The following DIPK1C variants were observed in gnomAD, a reference collection of about 807,000 sequenced individuals.
The protein encoded by DIPK1C is familial non-conventional Alzheimer's dementia.
In DIPK1C, 33 loss-of-function variants were observed where a neutral mutation model predicts 28.0. The ratio of observed to expected loss-of-function variants is 1.18; its 90% CI spans 0.89 to 1.58. The LOEUF (loss-of-function observed/expected upper bound fraction) is 1.58. Among genes scored for constraint, DIPK1C ranks in the 40% most tolerant of loss-of-function variants. DIPK1C has a pLI of 0.00. For missense variants in DIPK1C, 569 were observed against 568.5 expected (o/e 1.00, Z -0.01); for synonymous variants, 255 against 248.8 (o/e 1.02, Z -0.23).
chr18:74,449,723 G>A (rs1460134382), intron 1 of DIPK1C, among the ~76,000 whole-genome samples: 1 of 152,156 alleles, frequency 6.6e-6, no homozygotes, highest in Non-Finnish European at 1.5e-5. Flanking sequence ...CACCCTATTT[G>A]CCTGGGGCTG....
intron 2 of DIPK1C, among the ~76,000 whole-genome samples, chr18:74,443,687 A>T (rs1375700480): frequency 1.3e-5 from 2 of 152,216 alleles, no homozygotes; most frequent in Non-Finnish European, 2.9e-5. Flanking sequence ...GCTGTAAACA[A>T]CTTCTCATTT....
chr18:74,437,999 C>T (rs1426455373), intron 3 of DIPK1C, among the ~76,000 whole-genome samples: 1 of 152,200 alleles, frequency 6.6e-6, no homozygotes, highest in African/African-American at 2.4e-5. Context: ...TCAAGCGATC[C>T]TCCTGCCTCA....
intron 3 of DIPK1C, among the ~76,000 whole-genome samples, chr18:74,441,296 CG>C (rs1490398480): frequency 1.3e-5 from 2 of 152,172 alleles, no homozygotes; most frequent in Non-Finnish European, 2.9e-5. Flanking sequence ...GGGCCTCCTC[CG>C]GGTATGATCA....
At chr18:74,463,684 G>A in the DIPK1C span, among the ~76,000 whole-genome samples, 5 of 152,094 alleles carry the variant, frequency 3.3e-5, no homozygotes, top group African/African-American at 9.7e-5. Flanking sequence ...AAAACATATC[G>A]TGCTGTTTGG....
In DIPK1C at chr18:74,453,619, T is replaced by C. The variant is rs200995059; in HGVS notation, c.198+3443A>G. Among the ~76,000 whole-genome samples, 6 of 152,214 alleles carry C rather than the reference T, an allele frequency of 3.9e-5. No individual in the cohort carries two copies. In the East Asian group the frequency reaches 1.2e-3, roughly 29 times the overall value. ...AACTAGCCAAAAGGCAGTTAAGCCT[T>C]CAGGACAACAGAGTCTGTGGGAATA... On this transcript the variant is annotated intron_variant, in intron 1 of 3. Transcript: ENST00000343998.
rs201163510 is a variant in DIPK1C, at chr18:74,447,260, C to G, written c.222G>C (p.Thr74=). The G allele has an allele frequency of 2.6e-6, 4 of 1,540,666 alleles. No homozygotes were observed. In the East Asian group the frequency reaches 9.8e-5, roughly 38 times the overall value. ...AALCQDYQGG[T]LAGDLCEDLC... ...GGTCCTCGCAGAGGTCCCCGGCCAG[C>G]GTGCCGCCCTGGTAGTCCTGGCACT... Residue 74 remains threonine, a synonymous_variant, in exon 2 of 4, where the codon ACG becomes ACC. Transcript: ENST00000343998. The surrounding 1 kb of genome is among the most constrained non-coding windows in gnomAD (Gnocchi z 4.1).
chr18:74,436,333 G>C lies in DIPK1C; in HGVS notation c.*168C>G. Reference sequence around the variant, plus strand: ...CAGGTCAGAGGCCAGGGTGGGACGAGAGCGAGGGAGCACTGTCTCTGGCAG... The same window carrying C: ...CAGGTCAGAGGCCAGGGTGGGACGACAGCGAGGGAGCACTGTCTCTGGCAG... On this transcript the variant is annotated 3_prime_UTR_variant, in exon 4 of 4. Coordinates refer to ENST00000343998, the MANE Select transcript of DIPK1C (RefSeq NM_001044369.3). 4.5e-6 allele frequency: 3 copies of C among 669,886 alleles called. No individual in the cohort carries two copies. The highest frequency in any genetic ancestry group is 3.0e-5 in the Admixed American group (1 of 32,808). 41.5% of individuals were successfully genotyped at this position (669,886 alleles called of 1,614,324 possible). A position where few individuals can be genotyped will look rare whatever the true frequency, so the allele number is the denominator to read the frequency against.
intron 2 of DIPK1C, among the ~76,000 whole-genome samples, chr18:74,442,870 T>C (rs912925219): frequency 6.6e-6 from 1 of 152,232 alleles, no homozygotes; most frequent in Non-Finnish European, 1.5e-5. Flanking sequence ...CTGTAAAAGC[T>C]GTAAGATACA....
At chr18:74,454,893 G>A (rs762211092) in intron 1 of DIPK1C, among the ~76,000 whole-genome samples, 1 of 152,118 alleles carries the variant, frequency 6.6e-6, no homozygotes, top group Non-Finnish European at 1.5e-5. Context: ...AAGACAGGGG[G>A]AGAAAGAGTT....
upstream of DIPK1C, among the ~76,000 whole-genome samples, chr18:74,462,207 CTA>C (rs1177255666): frequency 6.6e-6 from 1 of 152,246 alleles, no homozygotes; most frequent in Non-Finnish European, 1.5e-5. Context: ...TGGAACGTCT[CTA>C]TCATCCAGGA....
chr18:74,447,757 G>A lies in DIPK1C; in HGVS notation c.199-474C>T, dbSNP rs558919055. 9.2e-5 allele frequency among the ~76,000 whole-genome samples: 14 copies of A among 152,282 alleles called. No individual in the cohort carries two copies. Among genetic ancestry groups the A allele is most frequent in the Non-Finnish European group, 1.8e-4 (12 of 68,018 alleles). ...GCCCTATCTGCCCCCAGGCTTGACC[G>A]CAGTAATGACCCTTCCTGCAAGTAC... On this transcript the variant is annotated intron_variant, in intron 1 of 3. Transcript: ENST00000343998. This position sits in a 1 kb window ranked among gnomAD's most constrained non-coding sequence, Gnocchi z 4.1.
Position 74,435,123 on chromosome 18 carries a change from C to T in DIPK1C, c.*1378G>A, listed in dbSNP as rs1344347310. 2 of 152,220 alleles carry T rather than the reference C, an allele frequency of 1.3e-5. No individual in the cohort carries two copies. Among genetic ancestry groups the T allele is most frequent in the Admixed American group, 6.5e-5 (1 of 15,278 alleles). 9.4% of individuals were successfully genotyped at this position (152,220 alleles called of 1,614,324 possible). ...CCCGTTTCTCTGGTTTAGAAAGGGG[C>T]TGCAGGCCAAGATAAGAGACCATTT... is the stretch of plus-strand genomic sequence containing the variant. On this transcript the variant is annotated 3_prime_UTR_variant, in exon 4 of 4. Coordinates refer to ENST00000343998, the MANE Select transcript of DIPK1C (RefSeq NM_001044369.3).
intron 1 of DIPK1C, among the ~76,000 whole-genome samples, chr18:74,450,845 G>A (rs1365764209): frequency 6.6e-6 from 1 of 152,222 alleles, no homozygotes; most frequent in Non-Finnish European, 1.5e-5. Context: ...GACAGGGCAG[G>A]GCCACAGTGA....
At chr18:74,456,454 G>C (rs1461375285) in intron 1 of DIPK1C, among the ~76,000 whole-genome samples, 2 of 152,260 alleles carry the variant, frequency 1.3e-5, no homozygotes, top group African/African-American at 2.4e-5. Flanking sequence ...CGCCTCCGCA[G>C]CGCTCTCTGC....
Position 74,446,736 on chromosome 18 carries a change from T to A in DIPK1C, c.746A>T (p.Gln249Leu). Residue 249 changes from glutamine (Q) to leucine (L), a missense_variant, in exon 2 of 4, where the codon CAG becomes CTG. Coordinates refer to ENST00000343998, the MANE Select transcript of DIPK1C (RefSeq NM_001044369.3). ...DRAPGAPGGG[Q>L]AKAISDIALS... ...TGCGATGTCACTGATGGCCTTGGCC[T>A]GGCCACCCCCAGGGGCACCTGGGGC... 1 of 1,539,770 alleles carries A rather than the reference T, an allele frequency of 6.5e-7. No individual in the cohort carries two copies. Among genetic ancestry groups the A allele is most frequent in the Non-Finnish European group, 8.8e-7 (1 of 1,141,054 alleles).
the DIPK1C span, among the ~76,000 whole-genome samples, chr18:74,464,416 G>A: frequency 6.6e-6 from 1 of 152,188 alleles, no homozygotes; most frequent in Non-Finnish European, 1.5e-5. Flanking sequence ...AGAAGGTACA[G>A]AGATTTTCTA....
chr18:74,445,292 G>A (rs1365862908), intron 2 of DIPK1C, among the ~76,000 whole-genome samples: 1 of 152,156 alleles, frequency 6.6e-6, no homozygotes. Context: ...AGACGCGGGT[G>A]AGTTCCCCCA....
rs767235862 is a variant in DIPK1C at position 74,442,118 on chromosome 18, T to G, written c.877-2A>C. The G allele has an allele frequency of 9.4e-5, 151 of 1,613,838 alleles. No homozygotes were observed. The highest frequency in any genetic ancestry group is 1.1e-4 in the Non-Finnish European group (132 of 1,179,958). Reference sequence around the variant, plus strand: ...CATGTCCACATCAATAGCCACCACCTGTAATCAAAACAGCACGGGGCTATC... The same window carrying G: ...CATGTCCACATCAATAGCCACCACCGGTAATCAAAACAGCACGGGGCTATC... On this transcript the variant is annotated splice_acceptor_variant, in intron 2 of 3. Transcript: ENST00000343998. LOFTEE classifies it high-confidence loss of function.
At position 74,448,081 on chromosome 18, in the gene DIPK1C, C is replaced by T. The variant is rs143828245; in HGVS notation, c.199-798G>A. On this transcript the variant is annotated intron_variant, in intron 1 of 3. Transcript: ENST00000343998. ...CCACTAGGGGACCTGGCGACCTTCC[C>T]CACCACACCACAAATTCCCTGAGAA... Among the ~76,000 whole-genome samples, 433 of 152,284 alleles carry T rather than the reference C, an allele frequency of 2.8e-3. 2 individuals are homozygous for T. The highest frequency in any genetic ancestry group is 9.5e-3 in the African/African-American group (396 of 41,552).
Sources: allele counts gnomAD v4.1 joint callset (sites outside exome capture counted in the v4.1 genomes callset), GRCh38; gene constraint gnomAD v4.1.1; non-coding constraint Gnocchi (gnomAD v3.1); transcripts MANE v1.5; gene names NCBI Gene and HGNC (gene_info 2026-07-23, HGNC 2026-07-21).